The following SHISA9 variants were observed in gnomAD, a reference collection of about 807,000 sequenced individuals.
SHISA9 encodes protein shisa-9.
SHISA9 carries 13 observed loss-of-function variants against 38.0 expected under a neutral mutation model. The ratio of observed to expected loss-of-function variants is 0.34; its 90% CI spans 0.22 to 0.54. SHISA9 has a LOEUF of 0.54. Among genes scored for constraint, SHISA9 ranks in the 20% least tolerant of loss-of-function variants. The pLI is 0.91. For synonymous variants in SHISA9, 275 were observed against 242.0 expected, an observed-to-expected ratio of 1.14 and a Z score of -1.27; for missense variants, 538 against 575.8, an observed-to-expected ratio of 0.93 and a Z score of 0.67.
chr16:13,224,822 T>C (rs1411385996), intron 4 of SHISA9, among the ~76,000 whole-genome samples: 2 of 152,280 alleles, frequency 1.3e-5, no homozygotes, highest in East Asian at 3.9e-4. Context: ...CAGGTCCAGA[T>C]GACAAGTAGT....
the SHISA9 span, among the ~76,000 whole-genome samples, chr16:13,431,001 G>C: frequency 6.6e-6 from 1 of 152,094 alleles, no homozygotes; most frequent in East Asian, 1.9e-4. Context: ...TGCAGAAGCA[G>C]AGAAGGTCTC....
the SHISA9 span, among the ~76,000 whole-genome samples, chr16:13,488,471 C>G: frequency 6.6e-6 from 1 of 152,152 alleles, no homozygotes; most frequent in Non-Finnish European, 1.5e-5. Context: ...ATATACATTA[C>G]TGTTGCATAT....
At chr16:13,071,230 C>A (rs576073742) in intron 2 of SHISA9, among the ~76,000 whole-genome samples, 1 of 152,146 alleles carries the variant, frequency 6.6e-6, no homozygotes, top group African/African-American at 2.4e-5. Flanking sequence ...CAGGGTCATA[C>A]GTACAGCCAG....
At chr16:12,945,253 A>G (rs900824670) in intron 2 of SHISA9, among the ~76,000 whole-genome samples, 4 of 152,144 alleles carry the variant, frequency 2.6e-5, no homozygotes, top group African/African-American at 9.7e-5. Flanking sequence ...AGTGTCTGAT[A>G]CAGGACATCT....
chr16:13,058,247 G>A (rs2073332908), intron 2 of SHISA9, among the ~76,000 whole-genome samples: 1 of 152,152 alleles, frequency 6.6e-6, no homozygotes, highest in Non-Finnish European at 1.5e-5. Flanking sequence ...CTGAGAGCTT[G>A]TTAAAAATGC....
chr16:13,179,236 C>A (rs1383714060), intron 2 of SHISA9, among the ~76,000 whole-genome samples: 1 of 152,130 alleles, frequency 6.6e-6, no homozygotes, highest in Admixed American at 6.6e-5. Flanking sequence ...GGAGAACAAC[C>A]AGGAGGCGGA....
At chr16:13,045,256 C>G (rs909042827) in intron 2 of SHISA9, among the ~76,000 whole-genome samples, 2 of 152,200 alleles carry the variant, frequency 1.3e-5, no homozygotes, top group African/African-American at 4.8e-5. Context: ...GTAGCTCACA[C>G]ATATTATTTC....
the SHISA9 span, among the ~76,000 whole-genome samples, chr16:13,413,415 G>T: frequency 6.6e-6 from 1 of 152,238 alleles, no homozygotes; most frequent in East Asian, 1.9e-4. Flanking sequence ...AAGACCCATG[G>T]GTTGTACAGT....
the SHISA9 span, chr16:13,458,511 A>G: frequency 1.4e-5 from 6 of 416,278 alleles, no homozygotes; most frequent in East Asian, 4.5e-4. Flanking sequence ...AAAAAACTCG[A>G]TCAACAATGG....
chr16:13,316,061 A>C, the SHISA9 span, among the ~76,000 whole-genome samples: 1 of 151,894 alleles, frequency 6.6e-6, no homozygotes, highest in African/African-American at 2.4e-5. Flanking sequence ...GTTGTACCCA[A>C]GCTAAAGATG....
intron 2 of SHISA9, among the ~76,000 whole-genome samples, chr16:13,086,485 A>G (rs1596638769): frequency 6.6e-6 from 1 of 152,222 alleles, no homozygotes; most frequent in East Asian, 1.9e-4. Flanking sequence ...TGAGGAAATT[A>G]GGAAAGATAG....
intron 2 of SHISA9, among the ~76,000 whole-genome samples, chr16:13,176,310 T>A (rs1370580625): frequency 6.6e-6 from 1 of 152,200 alleles, no homozygotes; most frequent in African/African-American, 2.4e-5. Flanking sequence ...GTTTGGTTTT[T>A]GACTGACACG....
chr16:13,497,584 C>T, the SHISA9 span, among the ~76,000 whole-genome samples: 1 of 150,886 alleles, frequency 6.6e-6, no homozygotes, highest in Non-Finnish European at 1.5e-5. Context: ...ACTCAGGAAA[C>T]TGAGGCACGA....
chr16:13,426,804 T>A, the SHISA9 span, among the ~76,000 whole-genome samples: 1 of 152,242 alleles, frequency 6.6e-6, no homozygotes, highest in Non-Finnish European at 1.5e-5. Flanking sequence ...GCAGTGTGGT[T>A]TATGAATGGC....
At chr16:13,506,486 G>A in the SHISA9 span, among the ~76,000 whole-genome samples, 1 of 152,122 alleles carries the variant, frequency 6.6e-6, no homozygotes, top group Admixed American at 6.5e-5. Flanking sequence ...GAGGAGGACG[G>A]GGTTGAAATT....
the SHISA9 span, among the ~76,000 whole-genome samples, chr16:13,492,617 C>T: frequency 6.6e-6 from 1 of 152,320 alleles, no homozygotes; most frequent in African/African-American, 2.4e-5. Context: ...GTAAGCCATT[C>T]ACCACTGTAT....
intron 4 of SHISA9, 69 bp downstream of exon 4, chr16:13,213,369 T>G: frequency 1.3e-5 from 18 of 1,365,788 alleles, no homozygotes; most frequent in Non-Finnish European, 1.5e-5. Flanking sequence ...AATGAAGGGA[T>G]AGAGAGTCCT....
At chr16:13,253,905 C>CT in the SHISA9 span, among the ~76,000 whole-genome samples, 7 of 151,348 alleles carry the variant, frequency 4.6e-5, no homozygotes, top group East Asian at 1.9e-4. Context: ...CTGAAGGTTA[C>CT]TTTTTTTTTC....
chr16:13,496,250 A>G, the SHISA9 span, among the ~76,000 whole-genome samples: 2 of 152,092 alleles, frequency 1.3e-5, no homozygotes, highest in South Asian at 4.1e-4. Flanking sequence ...CCTCCATAAC[A>G]TCAAGTTTTG....
Sources: gnomAD v4.1 joint callset for allele counts (sites outside exome capture counted in the v4.1 genomes callset) on GRCh38, gnomAD v4.1.1 for gene constraint, MANE v1.5 for transcripts, NCBI Gene and HGNC (gene_info 2026-07-23, HGNC 2026-07-21) for gene names.